Variants in HPSE2 observed in about 807,000 individuals in gnomAD.
HPSE2 encodes the protein heparanase 2 (inactive), also known as inactive heparanase-2.
HPSE2 carries 38 observed loss-of-function variants against 60.5 expected under a neutral mutation model. That is an observed-to-expected ratio of 0.63 (90% confidence interval 0.48 to 0.82). The LOEUF (loss-of-function observed/expected upper bound fraction) is 0.82, where lower values mean the gene tolerates loss of function less well. Ranked by LOEUF, HPSE2 falls within the 40% of genes least tolerant of loss-of-function variation. The probability of loss-of-function intolerance (pLI) is 0.00; values close to 1 mark genes in which losing one functional copy is unlikely to be tolerated. For synonymous variants in HPSE2, 295 were observed against 293.2 expected, an observed-to-expected ratio of 1.01 and a Z score of -0.06; for missense variants, 713 against 740.4, an observed-to-expected ratio of 0.96 and a Z score of 0.43.
rs559708790 is a variant in HPSE2, at chr10:98,934,253, C to T, written c.611-190197G>A. On this transcript the variant is annotated intron_variant, in intron 3 of 11. Transcript: ENST00000370552. ...AGCTTGCCATTCTGTGTCTTTTAAT[C>T]AGGGCATTTTGCCCATTTACATTTA... Among the ~76,000 whole-genome samples the T allele has an allele frequency of 1.4e-5, 2 of 144,264 alleles. 1 individual carries two copies. The highest frequency in any genetic ancestry group is 3.9e-4 in the East Asian group (2 of 5,096). 94.6% of individuals were successfully genotyped at this position (144,264 alleles called of 152,430 possible).
chr10:99,012,709 A>G (rs1386501882), intron 3 of HPSE2, among the ~76,000 whole-genome samples: 1 of 152,198 alleles, frequency 6.6e-6, no homozygotes, highest in Non-Finnish European at 1.5e-5. Flanking sequence ...GAAACTGAAT[A>G]TCTGTGCTGA....
At chr10:99,014,810 A>C (rs1292516105) in intron 3 of HPSE2, among the ~76,000 whole-genome samples, 1 of 152,170 alleles carries the variant, frequency 6.6e-6, no homozygotes, top group Non-Finnish European at 1.5e-5. Context: ...CAAAAGACAA[A>C]ATTGACAAAT....
chr10:98,748,159 G>C (rs1949671743), intron 3 of HPSE2, among the ~76,000 whole-genome samples: 1 of 152,104 alleles, frequency 6.6e-6, no homozygotes, highest in Admixed American at 6.6e-5. Flanking sequence ...AATTAGCTGG[G>C]TGTGGTGGCA....
At chr10:99,061,186 T>C (rs1212936755) in intron 3 of HPSE2, among the ~76,000 whole-genome samples, 1 of 152,066 alleles carries the variant, frequency 6.6e-6, no homozygotes, top group African/African-American at 2.4e-5. Context: ...TGGTCCTGCA[T>C]AGAGCTCTGC....
intron 2 of HPSE2, among the ~76,000 whole-genome samples, chr10:99,205,824 G>A (rs1457345280): frequency 6.6e-6 from 1 of 152,194 alleles, no homozygotes; most frequent in Non-Finnish European, 1.5e-5. Flanking sequence ...AGTCTTGGGA[G>A]CACCAACCTA....
chr10:98,781,212 T>C (rs1170969777), intron 3 of HPSE2, among the ~76,000 whole-genome samples: 1 of 151,570 alleles, frequency 6.6e-6, no homozygotes, highest in Non-Finnish European at 1.5e-5. Flanking sequence ...TATTAATACA[T>C]CTTGCTTGGC....
At chr10:98,750,862 A>C (rs534658422) in intron 3 of HPSE2, among the ~76,000 whole-genome samples, 7 of 152,306 alleles carry the variant, frequency 4.6e-5, no homozygotes, top group Middle Eastern at 3.4e-3. Flanking sequence ...AGAGTTAAGC[A>C]GTGGGATGTG....
chr10:99,241,472 A>T, the HPSE2 span, among the ~76,000 whole-genome samples: 1 of 152,238 alleles, frequency 6.6e-6, no homozygotes, highest in Admixed American at 6.5e-5. Flanking sequence ...TCTAAAATAT[A>T]CAATCAATCA....
chr10:98,561,169 T>TA, intron 9 of HPSE2, among the ~76,000 whole-genome samples: 1 of 146,786 alleles, frequency 6.8e-6, no homozygotes, highest in South Asian at 2.2e-4. Context: ...TTTTTTGTTC[T>TA]TTTTTTTGTT....
intron 3 of HPSE2, among the ~76,000 whole-genome samples, chr10:98,833,491 T>C (rs767628256): frequency 6.6e-6 from 1 of 152,220 alleles, no homozygotes; most frequent in Non-Finnish European, 1.5e-5. Flanking sequence ...TTGTTATTAA[T>C]AGGTAACATT....
chr10:98,672,138 T>A (rs1947522674), intron 6 of HPSE2, among the ~76,000 whole-genome samples: 1 of 152,212 alleles, frequency 6.6e-6, no homozygotes. Flanking sequence ...TTAACAGAAG[T>A]GGTTGCTGTT....
At chr10:98,944,051 G>A (rs953503479) in intron 3 of HPSE2, among the ~76,000 whole-genome samples, 1 of 152,138 alleles carries the variant, frequency 6.6e-6, no homozygotes, top group Non-Finnish European at 1.5e-5. Context: ...ACATGGGATA[G>A]GGTTGAGGAC....
At chr10:98,651,177 A>G (rs192210939) in intron 6 of HPSE2, among the ~76,000 whole-genome samples, 1 of 152,196 alleles carries the variant, frequency 6.6e-6, no homozygotes, top group Non-Finnish European at 1.5e-5. Context: ...GACAATTGTC[A>G]CTTCTCTGTT....
intron 3 of HPSE2, among the ~76,000 whole-genome samples, chr10:99,002,878 C>T (rs939657663): frequency 3.3e-5 from 5 of 151,902 alleles, no homozygotes; most frequent in Non-Finnish European, 4.4e-5. Flanking sequence ...CCTCACATAC[C>T]TATCTTTTTT....
intron 3 of HPSE2, among the ~76,000 whole-genome samples, chr10:98,785,702 T>C (rs1289988602): frequency 4.9e-4 from 70 of 143,496 alleles, no homozygotes; most frequent in African/African-American, 1.7e-3. Context: ...ATGTATCCAT[T>C]TCTTCTAGAT....
At chr10:99,263,470 T>C in the HPSE2 span, among the ~76,000 whole-genome samples, 1 of 152,214 alleles carries the variant, frequency 6.6e-6, no homozygotes, top group Non-Finnish European at 1.5e-5. Context: ...CATTAATGCC[T>C]CTTTAATAAA....
At chr10:99,139,898 C>T (rs1381255783) in intron 3 of HPSE2, among the ~76,000 whole-genome samples, 1 of 152,178 alleles carries the variant, frequency 6.6e-6, no homozygotes, top group African/African-American at 2.4e-5. Context: ...GGATCGCAGA[C>T]TATTTAATAC....
chr10:98,842,913 T>A (rs1202451711), intron 3 of HPSE2, among the ~76,000 whole-genome samples: 1 of 152,162 alleles, frequency 6.6e-6, no homozygotes, highest in Non-Finnish European at 1.5e-5. Flanking sequence ...TCTCCATACT[T>A]TTGCCTTTTC....
In HPSE2 at chr10:98,999,192, T is replaced by TGC. The variant is rs1554861498; in HGVS notation, c.610+145045_610+145046insGC. Among the ~76,000 whole-genome samples the TGC allele has an allele frequency of 7.2e-3, 1,088 of 151,622 alleles. 12 individuals carry two copies. The highest frequency in any genetic ancestry group is 0.013 in the Non-Finnish European group (860 of 67,864). ...GTGTGTGTGTGTGTGTGTGTGTGTGTGTGCATGTGTGTGTAAAGAGAGAAA... is the reference window on the plus strand; with the variant it reads ...GTGTGTGTGTGTGTGTGTGTGTGTGTGCGTGCATGTGTGTGTAAAGAGAGAAA... On this transcript the variant is annotated intron_variant, in intron 3 of 11. Coordinates refer to ENST00000370552, the MANE Select transcript of HPSE2 (RefSeq NM_021828.5).
Sources: allele counts gnomAD v4.1 joint callset (sites outside exome capture counted in the v4.1 genomes callset), GRCh38; gene constraint gnomAD v4.1.1; transcripts MANE v1.5; gene names NCBI Gene and HGNC (gene_info 2026-07-23, HGNC 2026-07-21).